BANP: variants seen among roughly 807,000 people sequenced by gnomAD.
BANP encodes BTG3 associated nuclear protein.
Under a neutral mutation model 68.1 loss-of-function variants are expected in BANP, and 11 were observed. The ratio of observed to expected loss-of-function variants is 0.16; its 90% CI spans 0.10 to 0.27. The LOEUF (loss-of-function observed/expected upper bound fraction) is 0.27. Among genes scored for constraint, BANP ranks in the 10% least tolerant of loss-of-function variants. The pLI is 1.00. For missense variants in BANP, 504 were observed against 722.7 expected (o/e 0.70, Z 3.47); for synonymous variants, 329 against 303.2 (o/e 1.09, Z -0.88).
rs1285021015 is a variant in BANP at position 87,957,947 on chromosome 16, G to A, written c.-69+6432G>A. 6.6e-6 allele frequency among the ~76,000 whole-genome samples: 1 copy of A among 152,172 alleles called. No individual in the cohort carries two copies. The highest frequency in any genetic ancestry group is 2.4e-5 in the African/African-American group (1 of 41,418). ...GTGGGAGCTGGCGGTGGGTCCCTGAGCAGAGTGCTGCCGCTGCCAGTCTGC... is the reference window on the plus strand; with the variant it reads ...GTGGGAGCTGGCGGTGGGTCCCTGAACAGAGTGCTGCCGCTGCCAGTCTGC... On this transcript the variant is annotated intron_variant, in intron 1 of 13. Transcript: ENST00000682872. The surrounding 1 kb of genome is among the most constrained non-coding windows in gnomAD (Gnocchi z 4.3).
At position 88,057,538 on chromosome 16, in the gene BANP, A is replaced by C. The variant is rs111369209; in HGVS notation, c.1312-7729A>C. ...TGAAAAACACCCCTCAGGTCGCTTC[A>C]TGCTGATTCTGTTTAGGCCCCGGCT... On this transcript the variant is annotated intron_variant, in intron 11 of 13. Transcript: ENST00000682872. This position sits in a 1 kb window ranked among gnomAD's most constrained non-coding sequence, Gnocchi z 4.6. 6.6e-6 allele frequency among the ~76,000 whole-genome samples: 1 copy of C among 152,030 alleles called. No homozygotes were observed. The highest frequency in any genetic ancestry group is 1.5e-5 in the Non-Finnish European group (1 of 67,998).
intron 2 of BANP, among the ~76,000 whole-genome samples, chr16:87,980,250 A>T (rs906513895): frequency 6.6e-6 from 1 of 152,248 alleles, no homozygotes; most frequent in African/African-American, 2.4e-5. Flanking sequence ...ATTTTAAAAA[A>T]TTGACTAGGT....
At chr16:88,034,810 C>T (rs904114167) in intron 9 of BANP, among the ~76,000 whole-genome samples, 8 of 124,508 alleles carry the variant, frequency 6.4e-5, no homozygotes, top group African/African-American at 2.1e-4. Flanking sequence ...TGTTACACAG[C>T]AGCCCCCCCT....
In BANP at chr16:88,071,494, C is replaced by G. The variant is rs2090318793; in HGVS notation, c.1378-575C>G. 1 of 456,276 alleles carries G rather than the reference C, an allele frequency of 2.2e-6. No individual in the cohort carries two copies. Among genetic ancestry groups the G allele is most frequent in the African/African-American group, 2.0e-5 (1 of 50,066 alleles). 28.3% of individuals were successfully genotyped at this position (456,276 alleles called of 1,614,324 possible). A position where few individuals can be genotyped will look rare whatever the true frequency, so the allele number is the denominator to read the frequency against. On this transcript the variant is annotated intron_variant, in intron 12 of 13. Coordinates refer to ENST00000682872, the MANE Select transcript of BANP (RefSeq NM_001386991.1). This position sits in a 1 kb window ranked among gnomAD's most constrained non-coding sequence, Gnocchi z 6.5. ...TCGGGAGGGCCAGCGGGGCTCTCTG[C>G]CACCAGGACTCACTTCCGCCCATCT...
intron 1 of BANP, among the ~76,000 whole-genome samples, chr16:87,955,158 C>T (rs1051919977): frequency 1.3e-5 from 2 of 152,180 alleles, no homozygotes; most frequent in African/African-American, 2.4e-5. Context: ...CAGTGGTGAG[C>T]GTACTGGGAG....
At chr16:88,017,817 C>T (rs114388441) in intron 6 of BANP, among the ~76,000 whole-genome samples, 189 of 152,344 alleles carry the variant, frequency 1.2e-3, no homozygotes, top group African/African-American at 4.0e-3. Flanking sequence ...CAGAACGTGG[C>T]GCATTCCCAC....
At chr16:88,053,259 C>T in intron 11 of BANP, among the ~76,000 whole-genome samples, 1 of 151,962 alleles carries the variant, frequency 6.6e-6, no homozygotes, top group South Asian at 2.1e-4. Flanking sequence ...CCACCCCCAC[C>T]TCCTTCACTA....
intron 13 of BANP, among the ~76,000 whole-genome samples, chr16:88,074,215 A>AC (rs1555640792): frequency 3.9e-5 from 6 of 151,924 alleles, no homozygotes; most frequent in South Asian, 2.1e-4. Context: ...TGAAGCCCCC[A>AC]CCCCAGTCAT....
chr16:88,046,827 G>T (rs1462950694), intron 11 of BANP, among the ~76,000 whole-genome samples: 1 of 152,126 alleles, frequency 6.6e-6, no homozygotes, highest in Non-Finnish European at 1.5e-5. Flanking sequence ...AGCACTTTAG[G>T]AGGCCGAGGC....
intron 1 of BANP, among the ~76,000 whole-genome samples, chr16:87,967,744 C>G (rs1053834724): frequency 6.6e-6 from 1 of 151,986 alleles, no homozygotes; most frequent in South Asian, 2.1e-4. Context: ...GCCTCAGCCT[C>G]CCGAGTAGCT....
chr16:88,032,886 C>G (rs867342747), intron 8 of BANP, among the ~76,000 whole-genome samples: 1 of 152,252 alleles, frequency 6.6e-6, no homozygotes, highest in Non-Finnish European at 1.5e-5. Flanking sequence ...CATCACGCCA[C>G]TCTCAGGCCC....
At chr16:87,965,815 G>T (rs1358238307) in intron 1 of BANP, among the ~76,000 whole-genome samples, 1 of 152,184 alleles carries the variant, frequency 6.6e-6, no homozygotes, top group African/African-American at 2.4e-5. Context: ...CACATCACTT[G>T]GTTGTAGAAA....
intron 10 of BANP, 115 bp from the exon 11 acceptor site, chr16:88,037,857 TG>T: frequency 2.0e-6 from 2 of 1,002,246 alleles, no homozygotes; most frequent in Non-Finnish European, 3.2e-6. Context: ...TTTGCAGAAC[TG>T]GGGTTTTCTT....
chr16:88,046,024 CAG>C (rs1219468301), intron 11 of BANP, among the ~76,000 whole-genome samples: 2 of 152,246 alleles, frequency 1.3e-5, no homozygotes, highest in Non-Finnish European at 2.9e-5. Flanking sequence ...CTCCAGCACT[CAG>C]GGAGGGGCGG....
chr16:88,074,117 G>A (rs1439596584), intron 13 of BANP, among the ~76,000 whole-genome samples: 1 of 152,196 alleles, frequency 6.6e-6, no homozygotes, highest in African/African-American at 2.4e-5. Context: ...CTGCCCCACT[G>A]GGAAGTGACC....
intron 1 of BANP, among the ~76,000 whole-genome samples, chr16:87,964,064 C>T (rs76426551): frequency 0.013 from 1,919 of 152,352 alleles, 36 homozygotes; most frequent in African/African-American, 0.044. Flanking sequence ...CACCCTGATT[C>T]CACATTCATG....
At chr16:88,037,192 T>A (rs543414349) in intron 10 of BANP, 1 of 152,242 alleles carries the variant, frequency 6.6e-6, no homozygotes, top group East Asian at 1.9e-4. Context: ...TTTTATAGTT[T>A]ATGCTAAAAA....
intron 7 of BANP, among the ~76,000 whole-genome samples, chr16:88,024,513 G>A (rs926051177): frequency 6.6e-6 from 1 of 152,234 alleles, no homozygotes; most frequent in African/African-American, 2.4e-5. Context: ...TGTTAAGTGC[G>A]GCTGCTCAGT....
Position 87,961,414 on chromosome 16 carries a change from C to CCCCCA in BANP, c.-69+9901_-69+9902insCCACC, listed in dbSNP as rs946756028. 8.2e-4 allele frequency among the ~76,000 whole-genome samples: 117 copies of CCCCCA among 142,494 alleles called. 10 individuals carry two copies. The highest frequency in any genetic ancestry group is 2.3e-3 in the Admixed American group (33 of 14,242). 93.5% of individuals were successfully genotyped at this position (142,494 alleles called of 152,430 possible). A position where few individuals can be genotyped will look rare whatever the true frequency, so the allele number is the denominator to read the frequency against. On this transcript the variant is annotated intron_variant, in intron 1 of 13. Transcript: ENST00000682872. ...CCTGGACTCACAGAATCTGCACCCC[C>CCCCCA]CCGGGCCTCCCAAAGTGCTGGGATT...
Sources: allele counts gnomAD v4.1 joint callset (sites outside exome capture counted in the v4.1 genomes callset), GRCh38; gene constraint gnomAD v4.1.1; non-coding constraint Gnocchi (gnomAD v3.1); transcripts MANE v1.5; gene names NCBI Gene and HGNC (gene_info 2026-07-23, HGNC 2026-07-21).